PP2D1: variants seen among roughly 807,000 people sequenced by gnomAD.
PP2D1 encodes protein phosphatase 2C-like domain-containing protein 1.
A neutral mutation model predicts 30.2 loss-of-function variants in PP2D1; 25 were observed. The ratio of observed to expected loss-of-function variants is 0.83; its 90% CI spans 0.60 to 1.16. The LOEUF (loss-of-function observed/expected upper bound fraction) is 1.16, where lower values mean the gene tolerates loss of function less well. Among genes scored for constraint, PP2D1 ranks in the 50% most tolerant of loss-of-function variants. The pLI is 0.00. For synonymous variants in PP2D1, 260 were observed against 258.9 expected (o/e 1.00, Z -0.04); for missense variants, 760 against 742.4 (o/e 1.02, Z -0.28).
At chr3:19,988,262 T>G (rs373628163) in intron 2 of PP2D1, among the ~76,000 whole-genome samples, 3 of 152,146 alleles carry the variant, frequency 2.0e-5, no homozygotes, top group African/African-American at 4.8e-5. Flanking sequence ...GCTCAATTCT[T>G]TTTCTCAGCA....
At chr3:19,982,518 C>A (rs1164332410), downstream of PP2D1, among the ~76,000 whole-genome samples, 1 of 152,106 alleles carries the variant, frequency 6.6e-6, no homozygotes, top group Non-Finnish European at 1.5e-5. Flanking sequence ...TATTTGAAGG[C>A]AGCTGATGGT....
At chr3:20,006,534 G>A (rs911346187) in intron 1 of PP2D1, among the ~76,000 whole-genome samples, 1 of 152,112 alleles carries the variant, frequency 6.6e-6, no homozygotes, top group African/African-American at 2.4e-5. Flanking sequence ...TCACCCAGGA[G>A]TGCAGTGGCC....
At chr3:20,008,808 C>T (rs1463541749) in intron 1 of PP2D1, among the ~76,000 whole-genome samples, 1 of 152,170 alleles carries the variant, frequency 6.6e-6, no homozygotes, top group Non-Finnish European at 1.5e-5. Context: ...TTTAATCTCT[C>T]TGAGCATCTG....
intron 1 of PP2D1, among the ~76,000 whole-genome samples, chr3:20,003,878 T>TA (rs1697285607): frequency 1.3e-5 from 2 of 152,216 alleles, no homozygotes; most frequent in African/African-American, 4.8e-5. Flanking sequence ...AATGTTTTTG[T>TA]CTTTTAAGCC....
At chr3:20,006,183 T>C (rs545823151) in intron 1 of PP2D1, among the ~76,000 whole-genome samples, 1 of 151,926 alleles carries the variant, frequency 6.6e-6, no homozygotes, top group Non-Finnish European at 1.5e-5. Flanking sequence ...GAAGTGGAGG[T>C]TGCAGTGAGC....
rs537825418 is a variant in PP2D1, at chr3:19,998,628, T to A, written c.1090+2402A>T. Among the ~76,000 whole-genome samples the A allele has an allele frequency of 2.6e-5, 4 of 152,282 alleles. No homozygotes were observed. In the South Asian group the frequency reaches 6.2e-4, roughly 24 times the overall value. ...TAAACATTTTTAAAAAGAATGTGAG[T>A]TTGGCAGTACCTTTTTCTACATGCA... On this transcript the variant is annotated intron_variant, in intron 2 of 2. Coordinates refer to ENST00000389050, the MANE Select transcript of PP2D1 (RefSeq NM_001252657.2).
At position 20,001,683 on chromosome 3, in the gene PP2D1, T is replaced by C; in HGVS notation, c.437A>G (p.Tyr146Cys). The C allele has an allele frequency of 6.5e-7, 1 of 1,535,064 alleles. No homozygotes were observed. Among genetic ancestry groups the C allele is most frequent in the Non-Finnish European group, 8.7e-7 (1 of 1,146,470 alleles). Residue 146 changes from tyrosine to cysteine, a missense_variant, in exon 2 of 3, where the codon TAC becomes TGC. By Grantham distance (194) the Tyr-to-Cys change is radical (BLOSUM62 -2). Coordinates refer to ENST00000389050, the MANE Select transcript of PP2D1 (RefSeq NM_001252657.2). The part of the protein sequence containing the change: ...ELLWKKQIPA[Y>C]YKIFDNIDRS... Reference sequence around the variant, plus strand: ...GTCAATGTTATCAAAAATCTTATAGTATGCTGGTATTTGTTTTTTCCAAAG... The same window carrying C: ...GTCAATGTTATCAAAAATCTTATAGCATGCTGGTATTTGTTTTTTCCAAAG...
downstream of PP2D1, chr3:19,983,654 C>G (rs1039354726): frequency 1.9e-5 from 23 of 1,184,504 alleles, no homozygotes; most frequent in Admixed American, 4.1e-4. Context: ...GCAGGTGAAA[C>G]TGATATTAAT....
At chr3:19,986,551 T>G (rs1418710466) in intron 2 of PP2D1, among the ~76,000 whole-genome samples, 1 of 152,232 alleles carries the variant, frequency 6.6e-6, no homozygotes, top group Non-Finnish European at 1.5e-5. Context: ...TCTAGGAGAT[T>G]TTTAAATGTT....
chr3:19,986,656 A>G (rs1697040593), intron 2 of PP2D1, among the ~76,000 whole-genome samples: 1 of 152,208 alleles, frequency 6.6e-6, no homozygotes, highest in Admixed American at 6.5e-5. Flanking sequence ...ACTTGAATAT[A>G]CTTAGGTCAT....
rs534124019 is a variant in PP2D1 at position 20,007,692 on chromosome 3, C to T, written c.23+4358G>A. 4.6e-4 allele frequency among the ~76,000 whole-genome samples: 67 copies of T among 147,248 alleles called. 1 individual carries two copies. The East Asian group carries it at 8.2e-3, about 18-fold the overall frequency. ...CTGAGGCAGGAGAATCGCTTGAACC[C>T]GGGAGGCGGAGGTGGTGGTGAGCCG... is the stretch of plus-strand genomic sequence containing the variant. On this transcript the variant is annotated intron_variant, in intron 1 of 2. Transcript: ENST00000389050.
At chr3:19,984,503 G>A (rs570265786), downstream of PP2D1, 1 of 198,198 alleles carries the variant, frequency 5.0e-6, no homozygotes, top group Admixed American at 6.2e-5. Flanking sequence ...TTAATGGTCA[G>A]TGTTCCTTTC....
chr3:19,988,785 CTT>C (rs1234792055), intron 2 of PP2D1, among the ~76,000 whole-genome samples: 1 of 152,118 alleles, frequency 6.6e-6, no homozygotes, highest in East Asian at 1.9e-4. Flanking sequence ...CCGACGGACA[CTT>C]AGGGAAATAG....
rs574672069 is a variant in PP2D1, at chr3:20,012,041, A to G, written c.23+9T>C. The G allele has an allele frequency of 6.5e-7, 1 of 1,529,444 alleles. No homozygotes were observed. The highest frequency in any genetic ancestry group is 2.5e-5 in the East Asian group (1 of 40,816). 94.7% of individuals were successfully genotyped at this position (1,529,444 alleles called of 1,614,324 possible). A position where few individuals can be genotyped will look rare whatever the true frequency, so the allele number is the denominator to read the frequency against. Reference sequence around the variant, plus strand: ...ACGTATTATCCAAAAAAGATTTAAGAAAGTTTACCTTAAAGCATTATTGGT... The same window carrying G: ...ACGTATTATCCAAAAAAGATTTAAGGAAGTTTACCTTAAAGCATTATTGGT... On this transcript the variant is annotated intron_variant, in intron 1 of 2. Coordinates refer to ENST00000389050, the MANE Select transcript of PP2D1 (RefSeq NM_001252657.2).
At chr3:19,981,985 A>G (rs1559493926), downstream of PP2D1, among the ~76,000 whole-genome samples, 1 of 152,118 alleles carries the variant, frequency 6.6e-6, no homozygotes, top group South Asian at 2.1e-4. Flanking sequence ...GCTCACTCCT[A>G]TAATCCCAAT....
chr3:19,995,035 A>C (rs1697159890), intron 2 of PP2D1, among the ~76,000 whole-genome samples: 1 of 152,226 alleles, frequency 6.6e-6, no homozygotes, highest in Non-Finnish European at 1.5e-5. Context: ...TTGCCTCAGT[A>C]GTAGAGAATA....
At chr3:20,000,152 T>C (rs1166635422) in intron 2 of PP2D1, among the ~76,000 whole-genome samples, 1 of 152,218 alleles carries the variant, frequency 6.6e-6, no homozygotes, top group Non-Finnish European at 1.5e-5. Flanking sequence ...TAGGACTGAT[T>C]TCCAACTCCA....
chr3:19,988,173 C>G (rs1322081991), intron 2 of PP2D1, among the ~76,000 whole-genome samples: 2 of 152,306 alleles, frequency 1.3e-5, no homozygotes, highest in East Asian at 3.9e-4. Context: ...AGGGAGATAA[C>G]CATCAGGTAT....
At chr3:20,012,000 A>G (rs1432718070) in intron 1 of PP2D1, 50 bp downstream of exon 1, 1 of 1,374,090 alleles carries the variant, frequency 7.3e-7, no homozygotes, top group East Asian at 2.5e-5. Context: ...TGTAGATATA[A>G]TTACTCATTG....
Sources: gnomAD v4.1 joint callset for allele counts (sites outside exome capture counted in the v4.1 genomes callset) on GRCh38, gnomAD v4.1.1 for gene constraint, MANE v1.5 for transcripts, NCBI Gene and HGNC (gene_info 2026-07-23, HGNC 2026-07-21) for gene names.